ZFP91: variants seen among roughly 807,000 people sequenced by gnomAD.
ZFP91 encodes ZFP91 zinc finger protein, atypical E3 ubiquitin ligase.
ZFP91 carries 7 observed loss-of-function variants against 63.5 expected under a neutral mutation model. The ratio of observed to expected loss-of-function variants is 0.11; its 90% CI spans 0.06 to 0.21. The LOEUF (loss-of-function observed/expected upper bound fraction) is 0.21, where lower values mean the gene tolerates loss of function less well. Among genes scored for constraint, ZFP91 ranks in the 10% least tolerant of loss-of-function variants. The pLI, the probability that ZFP91 is intolerant of heterozygous loss-of-function variation, is 1.00. For missense variants in ZFP91, 628 were observed against 736.6 expected (o/e 0.85, Z 1.71); for synonymous variants, 330 against 272.1 (o/e 1.21, Z -2.10).
intron 1 of ZFP91, 37 bp downstream of exon 1, chr11:58,579,659 CCT>C: frequency 6.7e-7 from 1 of 1,502,272 alleles, no homozygotes; most frequent in Non-Finnish European, 8.8e-7. Flanking sequence ...GAAAGACCCC[CCT>C]CTGTCCGTAC....
intron 2 of ZFP91, among the ~76,000 whole-genome samples, chr11:58,590,971 G>A (rs758044747): frequency 1.3e-5 from 2 of 151,234 alleles, no homozygotes; most frequent in African/African-American, 2.4e-5. Flanking sequence ...TGTACCATAC[G>A]TATACAGAAA....
chr11:58,616,863 C>G, intron 10 of ZFP91, 48 bp downstream of exon 10: 1 of 1,560,378 alleles, frequency 6.4e-7, no homozygotes, highest in South Asian at 1.1e-5. Flanking sequence ...GATATATGCC[C>G]TACTTGAAGG....
chr11:58,581,665 G>A (rs1250947116), intron 1 of ZFP91, among the ~76,000 whole-genome samples: 1 of 152,150 alleles, frequency 6.6e-6, no homozygotes, highest in African/African-American at 2.4e-5. Context: ...CCAGCCTGCT[G>A]TTTAATTTTT....
chr11:58,617,372 A>C lies in ZFP91; in HGVS notation c.1379A>C (p.Glu460Ala). 6.2e-7 allele frequency: 1 copy of C among 1,613,880 alleles called. No individual in the cohort carries two copies. Among genetic ancestry groups the C allele is most frequent in the Non-Finnish European group, 8.5e-7 (1 of 1,179,912 alleles). The change falls in exon 11 of 11, where the codon GAA becomes GCA. Residue 460 changes from glutamate (E) to alanine (A), a missense_variant. Around this residue, in one of 3 missense-constraint regions of ZFP91, gnomAD observed 76 missense variants for 230.9 expected, o/e 0.33. Transcript: ENST00000316059. This position sits in a 1 kb window ranked among gnomAD's most constrained non-coding sequence, Gnocchi z 4.2. ...AGCCACCCTGAGGTGCTGATTGCAGAAGCTCTGGCTGCCAATGCAGGCGCC... is the reference window on the plus strand; with the variant it reads ...AGCCACCCTGAGGTGCTGATTGCAGCAGCTCTGGCTGCCAATGCAGGCGCC... ...AKSHPEVLIA[E>A]ALAANAGALI...
intron 1 of ZFP91, among the ~76,000 whole-genome samples, chr11:58,580,529 A>G (rs760363310): frequency 6.6e-6 from 1 of 152,242 alleles, no homozygotes; most frequent in East Asian, 1.9e-4. Context: ...TTTGAGTGAA[A>G]ACAGATTAGT....
At chr11:58,587,148 A>C (rs1391530560) in intron 2 of ZFP91, among the ~76,000 whole-genome samples, 2 of 152,168 alleles carry the variant, frequency 1.3e-5, no homozygotes, top group South Asian at 2.1e-4. Context: ...TTTCAAACTG[A>C]AATAATAAAC....
At chr11:58,592,879 G>C (rs1565217884) in intron 2 of ZFP91, among the ~76,000 whole-genome samples, 1 of 152,208 alleles carries the variant, frequency 6.6e-6, no homozygotes, top group African/African-American at 2.4e-5. Context: ...GCATCAGCTA[G>C]ACTTCTGGTG....
At chr11:58,611,222 A>G (rs754358290) in intron 5 of ZFP91, 168 bp downstream of exon 5, 4 of 525,286 alleles carry the variant, frequency 7.6e-6, no homozygotes, top group South Asian at 8.1e-5. Context: ...ATACCCTGAT[A>G]ATAATCCTCT....
rs1276217457 is a variant in ZFP91, at chr11:58,618,321, TC to T, written c.*620del. 1.6e-5 allele frequency: 3 copies of T among 189,856 alleles called. No homozygotes were observed. Among genetic ancestry groups the T allele is most frequent in the Non-Finnish European group, 3.3e-5 (3 of 91,676 alleles). The allele number at this position is 189,856 out of a possible 1,614,324, so 11.8% of individuals were successfully genotyped here. ...AAAGGAAGGATATATGGGGACCACC[TC>T]CCCCTTCTTTGATCCCAGCATCTCA... On this transcript the variant is annotated 3_prime_UTR_variant, in exon 11 of 11. Transcript: ENST00000316059.
chr11:58,581,084 G>A (rs911525499), intron 1 of ZFP91, among the ~76,000 whole-genome samples: 2 of 152,182 alleles, frequency 1.3e-5, no homozygotes, highest in Non-Finnish European at 2.9e-5. Context: ...ATTAAATACA[G>A]TGTGTAAAGT....
rs533405841 is a variant in ZFP91, at chr11:58,613,457, A to G, written c.987+617A>G. 1.8e-4 allele frequency among the ~76,000 whole-genome samples: 27 copies of G among 152,316 alleles called. No homozygotes were observed. The South Asian group carries it at 3.9e-3, about 22-fold the overall frequency. On this transcript the variant is annotated intron_variant, in intron 8 of 10. Transcript: ENST00000316059. ...TTCCAACACATGAACTGTGGTGAACACATCCAAATTCATAGCACCTCCTGT... is the reference window on the plus strand; with the variant it reads ...TTCCAACACATGAACTGTGGTGAACGCATCCAAATTCATAGCACCTCCTGT...
chr11:58,597,823 C>G (rs919779858), intron 2 of ZFP91, among the ~76,000 whole-genome samples: 6 of 152,182 alleles, frequency 3.9e-5, no homozygotes, highest in Admixed American at 6.5e-5. Flanking sequence ...CCTCAACCTT[C>G]TATGCTTATT....
At chr11:58,590,203 A>C (rs1250939986) in intron 2 of ZFP91, among the ~76,000 whole-genome samples, 1 of 152,232 alleles carries the variant, frequency 6.6e-6, no homozygotes, top group Non-Finnish European at 1.5e-5. Context: ...AATGAGCCTT[A>C]GTGGATAAGA....
intron 2 of ZFP91, among the ~76,000 whole-genome samples, chr11:58,604,267 C>T (rs138924197): frequency 2.0e-4 from 30 of 152,184 alleles, no homozygotes; most frequent in Admixed American, 9.8e-4. Flanking sequence ...TGACTGATGT[C>T]CTTATAAGAA....
intron 7 of ZFP91, 192 bp from the exon 8 acceptor site, chr11:58,612,570 A>T (rs1855684173): frequency 1.6e-6 from 1 of 623,508 alleles, no homozygotes; most frequent in Non-Finnish European, 2.8e-6. Flanking sequence ...TTACTTTTTA[A>T]TTCTGTCAAA....
chr11:58,603,434 C>A (rs1195432419), intron 2 of ZFP91, among the ~76,000 whole-genome samples: 1 of 152,220 alleles, frequency 6.6e-6, no homozygotes. Flanking sequence ...AATCAGCCAT[C>A]TCAGCACTTC....
At chr11:58,606,048 AT>A (rs1323841687) in intron 2 of ZFP91, among the ~76,000 whole-genome samples, 1 of 151,080 alleles carries the variant, frequency 6.6e-6, no homozygotes, top group Non-Finnish European at 1.5e-5. Flanking sequence ...CAGCTCTAGA[AT>A]TTTTTTCTCT....
intron 7 of ZFP91, chr11:58,612,532 C>T (rs1467334147): frequency 6.4e-6 from 4 of 624,678 alleles, no homozygotes; most frequent in South Asian, 2.2e-5. Flanking sequence ...TAATACTTTA[C>T]CTTTGGGGGG....
At chr11:58,605,016 TG>T (rs1338965267) in intron 2 of ZFP91, among the ~76,000 whole-genome samples, 1 of 152,260 alleles carries the variant, frequency 6.6e-6, no homozygotes, top group African/African-American at 2.4e-5. Flanking sequence ...TCTTTTATTT[TG>T]ATCTTTATTT....
Sources: gnomAD v4.1 joint callset for allele counts (sites outside exome capture counted in the v4.1 genomes callset) on GRCh38, gnomAD v4.1.1 for gene constraint, gnomAD v4.1.1 regional missense constraint, Gnocchi (gnomAD v3.1) non-coding constraint, MANE v1.5 for transcripts, NCBI Gene and HGNC (gene_info 2026-07-23, HGNC 2026-07-21) for gene names.